The following PDE4D variants were observed in gnomAD, a reference collection of about 807,000 sequenced individuals.
PDE4D encodes phosphodiesterase 4D, also known as 3',5'-cyclic-AMP phosphodiesterase 4D.
PDE4D carries 24 observed loss-of-function variants against 87.4 expected under a neutral mutation model. The ratio of observed to expected loss-of-function variants is 0.27; its 90% CI spans 0.20 to 0.39. The LOEUF (loss-of-function observed/expected upper bound fraction) is 0.39. Among genes scored for constraint, PDE4D ranks in the 10% least tolerant of loss-of-function variants. The probability of loss-of-function intolerance (pLI) is 1.00; values close to 1 mark genes in which losing one functional copy is unlikely to be tolerated. For missense variants in PDE4D, 714 were observed against 1,041.0 expected, an observed-to-expected ratio of 0.69 and a Z score of 4.32; for synonymous variants, 384 against 383.2, an observed-to-expected ratio of 1.00 and a Z score of -0.02.
intron 3 of PDE4D, among the ~76,000 whole-genome samples, chr5:59,936,190 A>T (rs906149383): frequency 3.9e-5 from 6 of 151,972 alleles, no homozygotes; most frequent in Non-Finnish European, 5.9e-5. Flanking sequence ...GAAGGGGAAC[A>T]TTACACACCG....
Position 59,082,884 on chromosome 5 carries a change from C to T in PDE4D, c.809-43913G>A, listed in dbSNP as rs1216951432. Reference sequence around the variant, plus strand: ...CTTCTGATGACTCTAACTTAGGCTGCCTGCTTTCTAGGCCTACTACTACAC... The same window carrying T: ...CTTCTGATGACTCTAACTTAGGCTGTCTGCTTTCTAGGCCTACTACTACAC... On this transcript the variant is annotated intron_variant, in intron 5 of 14. Coordinates refer to ENST00000340635, the MANE Select transcript of PDE4D (RefSeq NM_001104631.2). Among the ~76,000 whole-genome samples the T allele has an allele frequency of 2.6e-5, 4 of 152,110 alleles. No homozygotes were observed. The South Asian group carries it at 8.3e-4, about 31-fold the overall frequency.
intron 1 of PDE4D, among the ~76,000 whole-genome samples, chr5:59,886,907 C>T (rs2962200): frequency 0.66 from 99,339 of 151,330 alleles, 34,343 homozygotes; most frequent in African/African-American, 0.86. Context: ...GGTGGTGAAA[C>T]TGGTAGCCTG....
Position 60,432,086 on chromosome 5 carries a change from G to A in PDE4D, c.-90+55856C>T, listed in dbSNP as rs1744376814. ...GGAAAGAGAGGGAGACGGAGACCGTGGGGAGAAGGAGAGGGAGAGGGAGAG... is the reference window on the plus strand; with the variant it reads ...GGAAAGAGAGGGAGACGGAGACCGTAGGGAGAAGGAGAGGGAGAGGGAGAG... On this transcript the variant is annotated intron_variant, in intron 1 of 16. Transcript: ENST00000502484. Among the ~76,000 whole-genome samples, 8 of 131,930 alleles carry A rather than the reference G, an allele frequency of 6.1e-5. No homozygotes were observed. The South Asian group carries it at 1.9e-3, about 32-fold the overall frequency. The allele number at this position is 131,930 out of a possible 152,430, so 86.6% of individuals were successfully genotyped here. A position where few individuals can be genotyped will look rare whatever the true frequency, so the allele number is the denominator to read the frequency against.
rs141565747 is a variant in PDE4D, at chr5:59,326,944, G to A, written c.456-110976C>T. On this transcript the variant is annotated intron_variant, in intron 1 of 14. Coordinates refer to ENST00000340635, the MANE Select transcript of PDE4D (RefSeq NM_001104631.2). ...ACAATTCATGTAATAGCTCATTTCA[G>A]TTTGATAAATATTTCTGAAGCATTT... Among the ~76,000 whole-genome samples, 173 of 152,184 alleles carry A rather than the reference G, an allele frequency of 1.1e-3. 2 individuals are homozygous for A. The highest frequency in any genetic ancestry group is 3.5e-3 in the African/African-American group (147 of 41,532).
intron 3 of PDE4D, among the ~76,000 whole-genome samples, chr5:59,982,074 T>C (rs964609674): frequency 6.6e-6 from 1 of 152,216 alleles, no homozygotes; most frequent in Non-Finnish European, 1.5e-5. Flanking sequence ...AACCCTTATA[T>C]GAATAAAGTA....
chr5:60,047,553 T>A (rs1769447562), intron 2 of PDE4D, among the ~76,000 whole-genome samples: 1 of 152,296 alleles, frequency 6.6e-6, no homozygotes, highest in Admixed American at 6.5e-5. Flanking sequence ...GTCCCAGAGA[T>A]TCTGGTATGC....
intron 1 of PDE4D, among the ~76,000 whole-genome samples, chr5:59,413,457 C>CAAAAAAAAAAAAAA (rs34074485): frequency 1.1e-3 from 59 of 54,414 alleles, no homozygotes; most frequent in African/African-American, 4.0e-3. Context: ...GACTCCATCT[C>CAAAAAAAAAAAAAA]AAAAAAAAAA....
intron 2 of PDE4D, among the ~76,000 whole-genome samples, chr5:60,140,610 C>T (rs1780443798): frequency 6.7e-6 from 1 of 150,088 alleles, no homozygotes; most frequent in Admixed American, 6.7e-5. Context: ...CCCAGTAGTA[C>T]TGTTGTGGAA....
At chr5:60,136,680 C>T (rs554689391) in intron 2 of PDE4D, among the ~76,000 whole-genome samples, 4 of 152,238 alleles carry the variant, frequency 2.6e-5, no homozygotes, top group African/African-American at 7.2e-5. Context: ...TAGGTATCCA[C>T]CCAATATCCA....
At chr5:59,297,625 A>C (rs40444) in intron 1 of PDE4D, among the ~76,000 whole-genome samples, 101,561 of 151,930 alleles carry the variant, frequency 0.67, 35,126 homozygotes, top group African/African-American at 0.83. Context: ...GCAAAATTTG[A>C]CTGGCTTCTA....
chr5:59,912,321 A>G (rs1407413166), intron 3 of PDE4D, among the ~76,000 whole-genome samples: 1 of 152,218 alleles, frequency 6.6e-6, no homozygotes, highest in Non-Finnish European at 1.5e-5. Flanking sequence ...CTATATTTTA[A>G]TGTAACTCAC....
chr5:59,301,101 C>T lies in PDE4D; in HGVS notation c.456-85133G>A, dbSNP rs141844077. Reference sequence around the variant, plus strand: ...ATGTGGAAGCTCACTGAACCCTGTCCTTCTGGGATTTTATGGAGGCTTCAT... The same window carrying T: ...ATGTGGAAGCTCACTGAACCCTGTCTTTCTGGGATTTTATGGAGGCTTCAT... On this transcript the variant is annotated intron_variant, in intron 1 of 14. Coordinates refer to ENST00000340635, the MANE Select transcript of PDE4D (RefSeq NM_001104631.2). Among the ~76,000 whole-genome samples the T allele has an allele frequency of 7.1e-3, 1,073 of 152,184 alleles. 13 individuals carry two copies. The highest frequency in any genetic ancestry group is 0.025 in the African/African-American group (1,027 of 41,502).
intron 5 of PDE4D, among the ~76,000 whole-genome samples, chr5:59,142,602 G>T (rs1778048432): frequency 6.6e-6 from 1 of 152,240 alleles, no homozygotes; most frequent in Admixed American, 6.5e-5. Flanking sequence ...CCACACAAAA[G>T]TAGTGGTTCT....
chr5:59,913,589 A>G (rs1036637126), intron 3 of PDE4D, among the ~76,000 whole-genome samples: 1 of 152,178 alleles, frequency 6.6e-6, no homozygotes, highest in Non-Finnish European at 1.5e-5. Context: ...ATTAATTTTT[A>G]TGGGATTAAA....
rs550987365 is a variant in PDE4D at position 59,450,388 on chromosome 5, G to A, written c.456-234420C>T. ...TCAATCACTCTGTCAGTATTGGCTGGTAACAAAAGGAACCTGGTGGGTCAG... is the reference window on the plus strand; with the variant it reads ...TCAATCACTCTGTCAGTATTGGCTGATAACAAAAGGAACCTGGTGGGTCAG... On this transcript the variant is annotated intron_variant, in intron 1 of 14. Coordinates refer to ENST00000340635, the MANE Select transcript of PDE4D (RefSeq NM_001104631.2). Among the ~76,000 whole-genome samples, 7 of 152,082 alleles carry A rather than the reference G, an allele frequency of 4.6e-5. No homozygotes were observed. In the South Asian group the frequency reaches 1.2e-3, roughly 27 times the overall value.
intron 1 of PDE4D, among the ~76,000 whole-genome samples, chr5:59,645,085 T>G (rs778763405): frequency 5.3e-5 from 8 of 152,220 alleles, no homozygotes; most frequent in Non-Finnish European, 1.2e-4. Flanking sequence ...AAAATGAACT[T>G]CTAAGAAATA....
chr5:59,200,069 A>G (rs1016084127), intron 2 of PDE4D, among the ~76,000 whole-genome samples: 5 of 55,366 alleles, frequency 9.0e-5, no homozygotes, highest in South Asian at 4.4e-4. Context: ...ATGTACACAC[A>G]CGTATGCACA....
chr5:60,248,398 C>G (rs1376608878), intron 1 of PDE4D, among the ~76,000 whole-genome samples: 1 of 152,052 alleles, frequency 6.6e-6, no homozygotes, highest in South Asian at 2.1e-4. Flanking sequence ...AATGCCATGT[C>G]AGCCATGGCA....
intron 1 of PDE4D, among the ~76,000 whole-genome samples, chr5:60,211,461 G>A (rs1221131545): frequency 1.3e-5 from 2 of 149,478 alleles, no homozygotes; most frequent in Non-Finnish European, 3.0e-5. Context: ...TTGGGGGGGT[G>A]GGGTAGGGAA....
Sources: allele counts gnomAD v4.1 joint callset (sites outside exome capture counted in the v4.1 genomes callset), GRCh38; gene constraint gnomAD v4.1.1; transcripts MANE v1.5; gene names NCBI Gene and HGNC (gene_info 2026-07-23, HGNC 2026-07-21).